ATP2A3: variants seen among roughly 807,000 people sequenced by gnomAD.
ATP2A3 encodes ATPase sarcoplasmic/endoplasmic reticulum Ca2+ transporting 3, also known as sarcoplasmic/endoplasmic reticulum calcium ATPase 3.
A neutral mutation model predicts 106.8 loss-of-function variants in ATP2A3; 61 were observed. The ratio of observed to expected loss-of-function variants is 0.57; its 90% CI spans 0.46 to 0.71. The LOEUF is 0.71. ATP2A3 is among the 30% of genes least tolerant of loss of function. The pLI, the probability that ATP2A3 is intolerant of heterozygous loss-of-function variation, is 0.00. For synonymous variants in ATP2A3, 611 were observed against 609.3 expected (o/e 1.00, Z -0.04); for missense variants, 1,201 against 1,423.5 (o/e 0.84, Z 2.52).
At chr17:3,927,954 C>A in intron 20 of ATP2A3, 2 of 1,613,268 alleles carry the variant, frequency 1.2e-6, no homozygotes, top group Non-Finnish European at 1.7e-6. Context: ...ACCGCCTCTG[C>A]GCAAATTCCC....
chr17:3,925,264 G>A lies in ATP2A3; in HGVS notation c.*158C>T. The A allele has an allele frequency of 8.9e-6, 11 of 1,230,580 alleles. No individual in the cohort carries two copies. Among genetic ancestry groups the A allele is most frequent in the Non-Finnish European group, 1.3e-5 (11 of 863,698 alleles). 76.2% of individuals were successfully genotyped at this position (1,230,580 alleles called of 1,614,324 possible). A position where few individuals can be genotyped will look rare whatever the true frequency, so the allele number is the denominator to read the frequency against. ...GTGGGGACAGAGACCCCAGGACGGG[G>A]CCCGGGGATGGCCATTCTGACCTCG... On this transcript the variant is annotated 3_prime_UTR_variant, in exon 21 of 21. Transcript: ENST00000397041. The surrounding 1 kb of genome is among the most constrained non-coding windows in gnomAD (Gnocchi z 4.2).
At chr17:3,963,029 T>C (rs2055224998) in intron 1 of ATP2A3, among the ~76,000 whole-genome samples, 2 of 152,258 alleles carry the variant, frequency 1.3e-5, no homozygotes. Flanking sequence ...ATATAGCAAC[T>C]AATTTTTTTG....
At position 3,953,156 on chromosome 17, in the gene ATP2A3, C is replaced by G; in HGVS notation, c.219+191G>C. On this transcript the variant is annotated intron_variant, in intron 3 of 20. Transcript: ENST00000397041. This position sits in a 1 kb window ranked among gnomAD's most constrained non-coding sequence, Gnocchi z 5.1. ...GAGGGGTCAGGTGGGAGCCGGGGAC[C>G]CAATGTAGGGGCCATGAGGGTTCAG... 1.5e-6 allele frequency: 1 copy of G among 655,332 alleles called. No individual in the cohort carries two copies. The highest frequency in any genetic ancestry group is 2.7e-6 in the Non-Finnish European group (1 of 368,088). 40.6% of individuals were successfully genotyped at this position (655,332 alleles called of 1,614,324 possible).
At chr17:3,941,348 C>A in intron 13 of ATP2A3, 42 bp from the exon 14 acceptor site, 3 of 1,613,454 alleles carry the variant, frequency 1.9e-6, no homozygotes, top group Non-Finnish European at 2.5e-6. Context: ...TGAGCCCATC[C>A]CTGACCTACC....
intron 5 of ATP2A3, 38 bp downstream of exon 5, chr17:3,951,213 A>G (rs199584767): frequency 1.6e-6 from 2 of 1,270,726 alleles, no homozygotes; most frequent in South Asian, 5.5e-5. Context: ...ATAAATAAAT[A>G]AAATAAAATA....
chr17:3,944,827 C>G, intron 9 of ATP2A3, 21 bp from the exon 10 acceptor site: 1 of 1,596,962 alleles, frequency 6.3e-7, no homozygotes, highest in Non-Finnish European at 8.5e-7. Context: ...GGGGCGGTCA[C>G]CAGGAGGACC....
chr17:3,956,072 G>A (rs1223897851), intron 1 of ATP2A3, among the ~76,000 whole-genome samples: 1 of 151,946 alleles, frequency 6.6e-6, no homozygotes, highest in African/African-American at 2.4e-5. Flanking sequence ...AGTAGAGGCG[G>A]GGTTTCACCA....
intron 1 of ATP2A3, among the ~76,000 whole-genome samples, chr17:3,958,765 C>T (rs79987889): frequency 2.8e-5 from 3 of 108,246 alleles, no homozygotes; most frequent in African/African-American, 8.9e-5. Flanking sequence ...TATACACACA[C>T]ATATATATAC....
intron 1 of ATP2A3, among the ~76,000 whole-genome samples, chr17:3,961,472 C>T (rs1389890030): frequency 7.0e-6 from 1 of 142,622 alleles, no homozygotes; most frequent in Non-Finnish European, 1.5e-5. Flanking sequence ...ACTGCGCTGC[C>T]GAGGCTCCCC....
intron 1 of ATP2A3, among the ~76,000 whole-genome samples, chr17:3,958,321 G>T (rs1403969079): frequency 6.6e-6 from 1 of 152,146 alleles, no homozygotes; most frequent in Non-Finnish European, 1.5e-5. Flanking sequence ...AAGCTCTAGG[G>T]CAGCAGGACT....
rs758641 is a variant in ATP2A3, at chr17:3,943,508, A to G, written c.1302T>C (p.Tyr434=). 682,666 of 1,613,542 alleles carry G rather than the reference A, an allele frequency of 0.42. 149,383 individuals are homozygous for G. The highest frequency in any genetic ancestry group is 0.5 in the Middle Eastern group (3,015 of 6,060). The change falls in exon 11 of 21, where the codon TAT becomes TAC. Residue 434 remains tyrosine, a synonymous_variant. Transcript: ENST00000397041. ...TCTCCGTGGCCTCTCCCACCTTCTC[A>G]TACACACCCTTGGCCTGGCAAGGAC... ...ALDYNEAKGV[Y]EKVGEATETA...
rs1157931437 is a variant in ATP2A3 at position 3,925,264 on chromosome 17, G to C, written c.*158C>G. ...GTGGGGACAGAGACCCCAGGACGGG[G>C]CCCGGGGATGGCCATTCTGACCTCG... On this transcript the variant is annotated 3_prime_UTR_variant, in exon 21 of 21. Transcript: ENST00000397041. The surrounding 1 kb of genome is among the most constrained non-coding windows in gnomAD (Gnocchi z 4.2). 8.1e-7 allele frequency: 1 copy of C among 1,230,460 alleles called. No homozygotes were observed. Among genetic ancestry groups the C allele is most frequent in the Non-Finnish European group, 1.2e-6 (1 of 863,704 alleles). The allele number at this position is 1,230,460 out of a possible 1,614,324, so 76.2% of individuals were successfully genotyped here.
chr17:3,944,899 C>A, intron 9 of ATP2A3, 93 bp from the exon 10 acceptor site: 3 of 1,351,224 alleles, frequency 2.2e-6, no homozygotes, highest in East Asian at 2.7e-5. Context: ...GGCTCCGCCT[C>A]TTGGCCCCGC....
chr17:3,932,720 G>A (rs1402098968), intron 17 of ATP2A3, among the ~76,000 whole-genome samples: 4 of 151,910 alleles, frequency 2.6e-5, no homozygotes, highest in African/African-American at 4.9e-5. Context: ...GATTATAGGC[G>A]TGAGCAGCCA....
chr17:3,932,186 G>C lies in ATP2A3; in HGVS notation c.2611-1752C>G, dbSNP rs143137231. The stretch of plus-strand genomic sequence containing the variant: ...CGAGACTGAGTCTCACTCTGTCACC[G>C]AGGCTGGAGTGCAGTGGCGTGATCT... On this transcript the variant is annotated intron_variant, in intron 17 of 20. Coordinates refer to ENST00000397041, the MANE Select transcript of ATP2A3 (RefSeq NM_005173.4). Among the ~76,000 whole-genome samples the C allele has an allele frequency of 2.2e-3, 328 of 151,758 alleles. 4 individuals carry two copies. The highest frequency in any genetic ancestry group is 7.4e-3 in the African/African-American group (308 of 41,348).
At position 3,953,906 on chromosome 17, in the gene ATP2A3, C is replaced by T. The variant is rs898867350; in HGVS notation, c.119-196G>A. Among the ~76,000 whole-genome samples the T allele has an allele frequency of 6.6e-6, 1 of 152,080 alleles. No individual in the cohort carries two copies. Among genetic ancestry groups the T allele is most frequent in the Middle Eastern group, 3.2e-3 (1 of 316 alleles). On this transcript the variant is annotated intron_variant, in intron 1 of 20. Transcript: ENST00000397041. This position sits in a 1 kb window ranked among gnomAD's most constrained non-coding sequence, Gnocchi z 5.1. ...CCAAATGCTTCCACCCCTCTACCCT[C>T]CCCCGACTCAGATTGAGGAAGATCT...
intron 5 of ATP2A3, 151 bp from the exon 6 acceptor site, chr17:3,950,924 C>T: frequency 2.4e-6 from 2 of 843,066 alleles, no homozygotes; most frequent in Non-Finnish European, 1.9e-6. Flanking sequence ...GGCCCACAGT[C>T]TCATCTGTCC....
At chr17:3,935,171 C>A (rs1567685738) in intron 17 of ATP2A3, 21 bp downstream of exon 17, 1 of 1,613,520 alleles carries the variant, frequency 6.2e-7, no homozygotes. Context: ...TCAACAGGCT[C>A]CCTGGCCAGC....
At chr17:3,960,044 C>T (rs759083854) in intron 1 of ATP2A3, among the ~76,000 whole-genome samples, 41 of 152,208 alleles carry the variant, frequency 2.7e-4, no homozygotes, top group Admixed American at 1.4e-3. Context: ...GCATGAAAGA[C>T]GTTGAGCTTC....
Sources: gnomAD v4.1 joint callset for allele counts (sites outside exome capture counted in the v4.1 genomes callset) on GRCh38, gnomAD v4.1.1 for gene constraint, Gnocchi (gnomAD v3.1) non-coding constraint, MANE v1.5 for transcripts, NCBI Gene and HGNC (gene_info 2026-07-23, HGNC 2026-07-21) for gene names.